The following ACP6 variants were observed in gnomAD, a reference collection of about 807,000 sequenced individuals.
ACP6 encodes the protein lysophosphatidic acid phosphatase type 6.
In ACP6, 48 loss-of-function variants were observed where a neutral mutation model predicts 48.1. That is an observed-to-expected ratio of 1.00 (90% CI 0.79 to 1.27). The LOEUF (loss-of-function observed/expected upper bound fraction) is 1.27. Ranked by LOEUF, ACP6 falls within the 50% of genes most tolerant of loss-of-function variation. The pLI, the probability that ACP6 is intolerant of heterozygous loss-of-function variation, is 0.00. For missense variants in ACP6, 485 were observed against 529.1 expected, an observed-to-expected ratio of 0.92 and a Z score of 0.82; for synonymous variants, 172 against 204.2, an observed-to-expected ratio of 0.84 and a Z score of 1.34.
At position 147,648,329 on chromosome 1, in the gene ACP6, G is replaced by C. The variant is rs1360469415; in HGVS notation, c.1060C>G (p.Pro354Ala). 2 of 1,614,060 alleles carry C rather than the reference G, an allele frequency of 1.2e-6. No homozygotes were observed. The highest frequency in any genetic ancestry group is 1.7e-5 in the Admixed American group (1 of 60,004). The change falls in exon 9 of 10, where the codon CCG (proline) becomes GCG (alanine). Residue 354 changes from proline (P) to alanine (A), a missense_variant. Coordinates refer to ENST00000583509, the MANE Select transcript of ACP6 (RefSeq NM_016361.5). ...TCCATGGTCAGGTCAACAGCAAACG[G>C]TGGCCATTTGTGGTCAAAAATCCCC... ...TLGIFDHKWPPFAVDLTMELY... is the reference protein window; with the variant it reads ...TLGIFDHKWPAFAVDLTMELY...
At position 147,645,632 on chromosome 1, in the gene ACP6, C is replaced by T. The variant is rs1056622189; in HGVS notation, c.*1791G>A. On this transcript the variant is annotated 3_prime_UTR_variant, in exon 10 of 10. Coordinates refer to ENST00000583509, the MANE Select transcript of ACP6 (RefSeq NM_016361.5). ...AAGAATGAAAACTGGCTATTGGATTCACCACACAAAGGCTATTGATGATTT... is the reference window on the plus strand; with the variant it reads ...AAGAATGAAAACTGGCTATTGGATTTACCACACAAAGGCTATTGATGATTT... 6.6e-6 allele frequency: 1 copy of T among 152,178 alleles called. No individual in the cohort carries two copies. Among genetic ancestry groups the T allele is most frequent in the Non-Finnish European group, 1.5e-5 (1 of 68,044 alleles). The allele number at this position is 152,178 out of a possible 1,614,324, so 9.4% of individuals were successfully genotyped here. A position where few individuals can be genotyped will look rare whatever the true frequency, so the allele number is the denominator to read the frequency against.
At chr1:147,661,307 C>T (rs961351482) in intron 1 of ACP6, among the ~76,000 whole-genome samples, 4 of 101,408 alleles carry the variant, frequency 3.9e-5, no homozygotes, top group Non-Finnish European at 7.4e-5. Flanking sequence ...TACCATCATG[C>T]CCAGCTAATT....
chr1:147,670,074 G>C lies in ACP6; in HGVS notation c.-26C>G. 6.8e-7 allele frequency: 1 copy of C among 1,476,426 alleles called. No individual in the cohort carries two copies. The highest frequency in any genetic ancestry group is 2.1e-5 in the Admixed American group (1 of 47,194). The allele number at this position is 1,476,426 out of a possible 1,614,324, so 91.5% of individuals were successfully genotyped here. A position where few individuals can be genotyped will look rare whatever the true frequency, so the allele number is the denominator to read the frequency against. ...GGTGGTAGGCCCTCGCTGCCCTCCG[G>C]GTTGAGGCTGCAGGAGGCAAACACA... On this transcript the variant is annotated 5_prime_UTR_variant, in exon 1 of 10. Transcript: ENST00000583509.
In ACP6 at chr1:147,647,128, AGTCC is replaced by A. The variant is rs1659657845; in HGVS notation, c.*291_*294del. On this transcript the variant is annotated 3_prime_UTR_variant, in exon 10 of 10. Transcript: ENST00000583509. ...AATTAATATAGGAGAAAAGAACTAA[AGTCC>A]AAAACCGACACAATTCTACAGGGTC... 2.2e-5 allele frequency: 7 copies of A among 317,480 alleles called. No homozygotes were observed. Among genetic ancestry groups the A allele is most frequent in the Non-Finnish European group, 3.6e-5 (6 of 168,622 alleles). 19.7% of individuals were successfully genotyped at this position (317,480 alleles called of 1,614,324 possible). A position where few individuals can be genotyped will look rare whatever the true frequency, so the allele number is the denominator to read the frequency against.
chr1:147,634,433 A>T (rs1200855608), intron 5 of ACP6, among the ~76,000 whole-genome samples: 2 of 5,108 alleles, frequency 3.9e-4, no homozygotes, highest in Non-Finnish European at 8.0e-4. Flanking sequence ...TTTGATGCCT[A>T]AAAGTTTTTT....
At chr1:147,632,644 G>A (rs899701923) in intron 5 of ACP6, among the ~76,000 whole-genome samples, 1 of 151,912 alleles carries the variant, frequency 6.6e-6, no homozygotes, top group African/African-American at 2.4e-5. Flanking sequence ...AGAATGAATA[G>A]CCCCAAAAGC....
chr1:147,643,889 G>C lies in ACP6; in HGVS notation c.*3534C>G, dbSNP rs1295336562. The C allele has an allele frequency of 6.6e-6, 1 of 152,430 alleles. No homozygotes were observed. Among genetic ancestry groups the C allele is most frequent in the Non-Finnish European group, 1.5e-5 (1 of 68,038 alleles). 9.4% of individuals were successfully genotyped at this position (152,430 alleles called of 1,614,324 possible). A position where few individuals can be genotyped will look rare whatever the true frequency, so the allele number is the denominator to read the frequency against. On this transcript the variant is annotated 3_prime_UTR_variant, in exon 10 of 10. Transcript: ENST00000583509. ...CCAAGATCAAGGCACCAGAAGGTTA[G>C]GGCCTGGTCTCTCTGCTTCAAAGAT...
At chr1:147,641,022 C>A (rs1416306771), downstream of ACP6, among the ~76,000 whole-genome samples, 2 of 152,162 alleles carry the variant, frequency 1.3e-5, no homozygotes, top group African/African-American at 4.8e-5. Context: ...AGCCCCAGGA[C>A]ACGCTCTAGC....
rs376800878 is a variant in ACP6 at position 147,653,117 on chromosome 1, G to A, written c.781-568C>T. Among the ~76,000 whole-genome samples the A allele has an allele frequency of 6.2e-4, 94 of 151,788 alleles. No homozygotes were observed. In the South Asian group the frequency reaches 0.01, roughly 16 times the overall value. On this transcript the variant is annotated intron_variant, in intron 6 of 9. Transcript: ENST00000583509. ...GCTGGGATTACAGGTGTGAGCCACC[G>A]CGCCCGGCCTGTTTTACTGGTTTTT...
chr1:147,658,861 A>G, intron 4 of ACP6, 99 bp downstream of exon 4: 3 of 1,192,224 alleles, frequency 2.5e-6, no homozygotes, highest in Non-Finnish European at 3.6e-6. Flanking sequence ...CAGGAGAAAA[A>G]AAGTCAAGGG....
At chr1:147,631,341 A>G (rs1377514777) in intron 5 of ACP6, among the ~76,000 whole-genome samples, 1 of 152,226 alleles carries the variant, frequency 6.6e-6, no homozygotes, top group Non-Finnish European at 1.5e-5. Context: ...ATGTAAAACC[A>G]TCAGCAAATC....
intron 6 of ACP6, 135 bp from the exon 7 acceptor site, chr1:147,652,684 C>G (rs1553210796): frequency 1.3e-6 from 2 of 1,584,572 alleles, no homozygotes; most frequent in Non-Finnish European, 8.6e-7. Flanking sequence ...ACAGCTATGT[C>G]TGTTAACAGG....
At chr1:147,630,169 G>C (rs1659124959) in exon 6 of ACP6, 1 of 152,220 alleles carries the variant, frequency 6.6e-6, no homozygotes, top group Non-Finnish European at 1.5e-5. Context: ...CTAGGAAACT[G>C]CATGTCTTCA....
At chr1:147,669,753 G>A (rs1660986326) in intron 1 of ACP6, 77 bp downstream of exon 1, 3 of 1,403,172 alleles carry the variant, frequency 2.1e-6, no homozygotes, top group Non-Finnish European at 2.9e-6. Context: ...AAGCTCTGAA[G>A]ATGTGTGTCA....
Position 147,654,284 on chromosome 1 carries a change from C to T in ACP6, c.690G>A (p.Glu230=). The T allele has an allele frequency of 1.2e-6, 2 of 1,614,176 alleles. No individual in the cohort carries two copies. Among genetic ancestry groups the T allele is most frequent in the Non-Finnish European group, 1.7e-6 (2 of 1,180,026 alleles). The change falls in exon 6 of 10, where the codon GAG becomes GAA. Residue 230 remains glutamate, a synonymous_variant. Transcript: ENST00000583509. ...QTASLQPGIS[E]DLKKVKDRMG... ...TCCTGTCCTTCACCTTTTTCAAATCCTCTGAGATTCCTGGCTGTAAAGAGG... is the reference window on the plus strand; with the variant it reads ...TCCTGTCCTTCACCTTTTTCAAATCTTCTGAGATTCCTGGCTGTAAAGAGG...
chr1:147,659,747 A>C lies in ACP6; in HGVS notation c.248T>G (p.Val83Gly). Residue 83 changes from valine (V) to glycine (G), a missense_variant, in exon 2 of 10, where the codon GTC becomes GGC. By Grantham distance (109) the Val-to-Gly change is moderately radical. Transcript: ENST00000583509. ...GTAATCAAACTGAGTTTGGGGTGGG[A>C]CCTCTAATAGCTGGGGGTTCCACTC... ...QVEWNPQLLE[V>G]PPQTQFDYTV... The C allele has an allele frequency of 3.1e-6, 5 of 1,614,044 alleles. No individual in the cohort carries two copies. Among genetic ancestry groups the C allele is most frequent in the Non-Finnish European group, 4.2e-6 (5 of 1,180,020 alleles).
chr1:147,639,331 G>A (rs1405872793), downstream of ACP6, among the ~76,000 whole-genome samples: 5 of 152,148 alleles, frequency 3.3e-5, no homozygotes, highest in African/African-American at 1.2e-4. Context: ...TTGACCTAGA[G>A]AACAACCATT....
chr1:147,649,436 T>C (rs1330218499), intron 8 of ACP6, among the ~76,000 whole-genome samples: 3 of 127,034 alleles, frequency 2.4e-5, no homozygotes, highest in African/African-American at 6.2e-5. Flanking sequence ...TGGAGGCTCA[T>C]GAGCTACTTC....
At chr1:147,658,910 G>A (rs41295837) in intron 4 of ACP6, 50 bp downstream of exon 4, 20,113 of 1,516,590 alleles carry the variant, frequency 0.013, 186 homozygotes, top group Non-Finnish European at 0.016. Flanking sequence ...TCGGAAGTGA[G>A]AAGCAAGACC....
Sources: allele counts gnomAD v4.1 joint callset (sites outside exome capture counted in the v4.1 genomes callset), GRCh38; gene constraint gnomAD v4.1.1; transcripts MANE v1.5; gene names NCBI Gene and HGNC (gene_info 2026-07-23, HGNC 2026-07-21).